The following LMNTD2 variants were observed in gnomAD, a reference collection of about 807,000 sequenced individuals.
LMNTD2 encodes the protein lamin tail domain containing 2.
LMNTD2 carries 83 observed loss-of-function variants against 70.1 expected under a neutral mutation model. That is an observed-to-expected ratio of 1.18 (90% CI 0.99 to 1.42). The LOEUF is 1.42. LMNTD2 is among the 40% of genes most tolerant of loss of function. The pLI is 0.00. For synonymous variants in LMNTD2, 534 were observed against 406.1 expected, an observed-to-expected ratio of 1.31 and a Z score of -3.79; for missense variants, 1,153 against 905.9, an observed-to-expected ratio of 1.27 and a Z score of -3.50.
At chr11:559,745 C>T in intron 1 of LMNTD2, 1 of 1,058,884 alleles carries the variant, frequency 9.4e-7, no homozygotes, top group Non-Finnish European at 1.2e-6. Flanking sequence ...CTCCTGCCCA[C>T]AGCCTGTTTT....
chr11:559,787 T>A, intron 1 of LMNTD2: 1 of 1,041,728 alleles, frequency 9.6e-7, no homozygotes, highest in Non-Finnish European at 1.2e-6. Context: ...AGAGACAGGG[T>A]CTTGCTCCGC....
rs989192764 is a variant in LMNTD2 at position 558,718 on chromosome 11, T to C, written c.207A>G (p.Arg69=). The stretch of plus-strand genomic sequence containing the variant: ...AGGCCTGGATCTCCAGTTCTCGCTG[T>C]CTCCACAGCAGCCGCAGTGTGCGAG... ...LDPRTLRLLW[R]QRELEIQALR... Residue 69 remains arginine, a synonymous_variant, in exon 3 of 14, where the codon AGA becomes AGG. Transcript: ENST00000329451. The C allele has an allele frequency of 1.2e-6, 2 of 1,607,426 alleles. No individual in the cohort carries two copies. The highest frequency in any genetic ancestry group is 1.7e-6 in the Non-Finnish European group (2 of 1,177,850).
In LMNTD2 at chr11:556,342, G is replaced by A. The variant is rs750960398; in HGVS notation, c.1107C>T (p.Cys369=). The change falls in exon 10 of 14, where the codon TGC becomes TGT. Residue 369 remains cysteine, a synonymous_variant. Coordinates refer to ENST00000329451, the MANE Select transcript of LMNTD2 (RefSeq NM_173573.3). ...TGAAGATGCGGACGAACTTCTCCCG[G>A]CAGCTCACAGCCACGATCTTCAGGC... ...PTGLKIVAVS[C]REKFVRIFNP... 10 of 1,535,896 alleles carry A rather than the reference G, an allele frequency of 6.5e-6. No homozygotes were observed. The highest frequency in any genetic ancestry group is 1.2e-5 in the South Asian group (1 of 84,006).
rs756120788 is a variant in LMNTD2 at position 555,355 on chromosome 11, C to A, written c.1723G>T (p.Ala575Ser). The change falls in exon 13 of 14, where the codon GCC becomes TCC. Residue 575 changes from alanine (A) to serine (S), a missense_variant. Transcript: ENST00000329451. Reference sequence around the variant, plus strand: ...CGACAGTCCTCCAGGCCCAGCCCGGCCTCTGCGGGAGGCGACGGCAGGGTG... The same window carrying A: ...CGACAGTCCTCCAGGCCCAGCCCGGACTCTGCGGGAGGCGACGGCAGGGTG... The part of the protein sequence containing the change: ...DPTLPSPPAE[A>S]GLGLEDCRLQ... 1 of 1,423,234 alleles carries A rather than the reference C, an allele frequency of 7.0e-7. No homozygotes were observed. The highest frequency in any genetic ancestry group is 9.2e-7 in the Non-Finnish European group (1 of 1,091,618). The allele number at this position is 1,423,234 out of a possible 1,614,324, so 88.2% of individuals were successfully genotyped here. A position where few individuals can be genotyped will look rare whatever the true frequency, so the allele number is the denominator to read the frequency against.
Position 554,873 on chromosome 11 carries a change from A to G in LMNTD2, c.*107T>C. The G allele has an allele frequency of 2.6e-6, 2 of 776,872 alleles. No homozygotes were observed. Among genetic ancestry groups the G allele is most frequent in the South Asian group, 4.0e-5 (2 of 50,168 alleles). The allele number at this position is 776,872 out of a possible 1,614,324, so 48.1% of individuals were successfully genotyped here. On this transcript the variant is annotated 3_prime_UTR_variant, in exon 14 of 14. Transcript: ENST00000329451. Reference sequence around the variant, plus strand: ...TCTCAGGTGTACAGAAATGCGGTTTACTTTGTAGGCCACGTTGGTTCAATA... The same window carrying G: ...TCTCAGGTGTACAGAAATGCGGTTTGCTTTGTAGGCCACGTTGGTTCAATA...
In LMNTD2 at chr11:558,156, C is replaced by T; in HGVS notation, c.399+5G>A. The T allele has an allele frequency of 6.2e-7, 1 of 1,613,228 alleles. No individual in the cohort carries two copies. The highest frequency in any genetic ancestry group is 1.7e-4 in the Middle Eastern group (1 of 6,060). On this transcript the variant is annotated splice_donor_5th_base_variant and intron_variant, in intron 4 of 13. Coordinates refer to ENST00000329451, the MANE Select transcript of LMNTD2 (RefSeq NM_173573.3). ...CCCTGCCCACTCCCTGTGCCCCTGC[C>T]TCACCCACTGGGCTCGCTCCTTCTG...
rs763317230 is a variant in LMNTD2 at position 555,782 on chromosome 11, A to G, written c.1526T>C (p.Leu509Pro). The change falls in exon 12 of 14, where the codon CTG becomes CCG. Residue 509 changes from leucine (L) to proline (P), a missense_variant. Transcript: ENST00000329451. Reference sequence around the variant, plus strand: ...GGGCTCCCGCACCCGGCCTTTGCGCAGGGGTCGAGGTGGGCGCGGCGGCTT... The same window carrying G: ...GGGCTCCCGCACCCGGCCTTTGCGCGGGGGTCGAGGTGGGCGCGGCGGCTT... ...TRKPPRPPRP[L>P]RKGRVREPRV... is the part of the protein sequence containing the mutation. The G allele has an allele frequency of 6.7e-7, 1 of 1,490,636 alleles. No homozygotes were observed. The highest frequency in any genetic ancestry group is 2.7e-5 in the Admixed American group (1 of 37,192). 92.3% of individuals were successfully genotyped at this position (1,490,636 alleles called of 1,614,324 possible).
chr11:557,604 G>A lies in LMNTD2; in HGVS notation c.592C>T (p.Leu198Phe). 6.2e-7 allele frequency: 1 copy of A among 1,613,322 alleles called. No homozygotes were observed. Among genetic ancestry groups the A allele is most frequent in the East Asian group, 2.2e-5 (1 of 44,880 alleles). ...TAETLMDPSDLSENIQAPTGE... is the reference protein window; with the variant it reads ...TAETLMDPSDFSENIQAPTGE... ...GTGGGGGCCTGAATGTTTTCAGAGA[G>A]GTCGCTTGGGTCCATCAGAGTCTCT... Residue 198 changes from leucine to phenylalanine, a missense_variant, in exon 6 of 14, where the codon CTC becomes TTC. Transcript: ENST00000329451.
At chr11:560,658 C>G in intron 1 of LMNTD2, 25 bp downstream of exon 1, 1 of 1,413,846 alleles carries the variant, frequency 7.1e-7, no homozygotes, top group South Asian at 1.4e-5. Flanking sequence ...AGGAAGTCGG[C>G]CCAGGAGCGG....
chr11:555,619 C>A, intron 12 of LMNTD2, 115 bp downstream of exon 12: 1 of 1,258,336 alleles, frequency 7.9e-7, no homozygotes, highest in East Asian at 3.2e-5. Context: ...AGGGGGCGGC[C>A]GGGGCGGGGC....
At position 559,193 on chromosome 11, in the gene LMNTD2, G is replaced by A. The variant is rs149530404; in HGVS notation, c.35-214C>T. The stretch of plus-strand genomic sequence containing the variant: ...GACCCACATGTGGGTGTCCACACCC[G>A]TGTGTTTCTGACCAGGCTGGCGCAG... On this transcript the variant is annotated intron_variant, in intron 1 of 13. Transcript: ENST00000329451. 3,635 of 1,474,160 alleles carry A rather than the reference G, an allele frequency of 2.5e-3. 9 individuals are homozygous for A. Among genetic ancestry groups the A allele is most frequent in the South Asian group, 5.3e-3 (393 of 73,972 alleles). 91.3% of individuals were successfully genotyped at this position (1,474,160 alleles called of 1,614,324 possible). A position where few individuals can be genotyped will look rare whatever the true frequency, so the allele number is the denominator to read the frequency against.
In LMNTD2 at chr11:560,215, C is replaced by G. The variant is rs1388491787; in HGVS notation, c.34+468G>C. 2.2e-5 allele frequency: 17 copies of G among 780,102 alleles called. No individual in the cohort carries two copies. In the African/African-American group the frequency reaches 2.6e-4, roughly 12 times the overall value. The allele number at this position is 780,102 out of a possible 1,614,324, so 48.3% of individuals were successfully genotyped here. A position where few individuals can be genotyped will look rare whatever the true frequency, so the allele number is the denominator to read the frequency against. ...CGCCCACAACTCTTTCTGAGCTGGG[C>G]AGAACAATCAATGGCCCACACAGCT... is the stretch of plus-strand genomic sequence containing the variant. On this transcript the variant is annotated intron_variant, in intron 1 of 13. Coordinates refer to ENST00000329451, the MANE Select transcript of LMNTD2 (RefSeq NM_173573.3).
rs754041850 is a variant in LMNTD2, at chr11:556,032, G to A, written c.1341C>T (p.Arg447=). 3.2e-6 allele frequency: 5 copies of A among 1,556,660 alleles called. No individual in the cohort carries two copies. The highest frequency in any genetic ancestry group is 3.6e-5 in the Admixed American group (2 of 55,424). Residue 447 remains arginine, a synonymous_variant, in exon 11 of 14, where the codon CGC becomes CGT. Transcript: ENST00000329451. ...SREPVPLLSI[R]GCATLLLSPK... is the part of the protein sequence containing the mutation. ...GGCTCAGGAGCAGCGTCGCGCAGCCGCGGATGGAGAGGAGGGGAACGGGCT... is the reference window on the plus strand; with the variant it reads ...GGCTCAGGAGCAGCGTCGCGCAGCCACGGATGGAGAGGAGGGGAACGGGCT...
intron 8 of LMNTD2, 48 bp from the exon 9 acceptor site, chr11:556,636 C>CT (rs1398941885): frequency 1.4e-6 from 2 of 1,449,392 alleles, no homozygotes; most frequent in South Asian, 2.8e-5. Flanking sequence ...ATGGAGTCCC[C>CT]ACCGGATGTT....
At chr11:555,625 G>A (rs1320886172) in intron 12 of LMNTD2, 109 bp downstream of exon 12, 6 of 1,267,246 alleles carry the variant, frequency 4.7e-6, no homozygotes, top group Non-Finnish European at 6.1e-6. Context: ...CGGCCGGGGC[G>A]GGGCCTGGGG....
At chr11:555,165 A>AGGGGC (rs1852729701) in intron 13 of LMNTD2, 54 bp from the exon 14 acceptor site, 2 of 284,920 alleles carry the variant, frequency 7.0e-6, no homozygotes, top group Admixed American at 8.8e-5. Flanking sequence ...ACGGGAGGGG[A>AGGGGC]GGGGAGGGGA....
chr11:556,314 G>A lies in LMNTD2; in HGVS notation c.1135C>T (p.Pro379Ser). 1 of 1,535,718 alleles carries A rather than the reference G, an allele frequency of 6.5e-7. No individual in the cohort carries two copies. Among genetic ancestry groups the A allele is most frequent in the Non-Finnish European group, 8.7e-7 (1 of 1,146,680 alleles). Residue 379 changes from proline to serine, a missense_variant, in exon 10 of 14, where the codon CCG becomes TCG. Physicochemically the swap from Pro to Ser is moderately conservative, Grantham distance 74. Transcript: ENST00000329451. The stretch of plus-strand genomic sequence containing the variant: ...AGGTCGGCCGTGCTCTCCTGCGACG[G>A]GTTGAAGATGCGGACGAACTTCTCC... ...CREKFVRIFNPSQESTADLSG... is the reference protein window; with the variant it reads ...CREKFVRIFNSSQESTADLSG...
Position 557,041 on chromosome 11 carries a change from T to A in LMNTD2, c.770A>T (p.His257Leu), listed in dbSNP as rs1385083015. 6.2e-7 allele frequency: 1 copy of A among 1,609,574 alleles called. No individual in the cohort carries two copies. The highest frequency in any genetic ancestry group is 2.2e-5 in the East Asian group (1 of 44,826). Residue 257 changes from histidine (H) to leucine (L), a missense_variant, in exon 8 of 14, where the codon CAT becomes CTT. By Grantham distance (99) the His-to-Leu change is moderately conservative. Coordinates refer to ENST00000329451, the MANE Select transcript of LMNTD2 (RefSeq NM_173573.3). ...DTGSPESSGKHSERHHKTVEW... is the reference protein window; with the variant it reads ...DTGSPESSGKLSERHHKTVEW... Reference sequence around the variant, plus strand: ...CACGGTCTTGTGATGCCGCTCGGAATGCTTTCCAGAGGACTCTGGGCTCCC... The same window carrying A: ...CACGGTCTTGTGATGCCGCTCGGAAAGCTTTCCAGAGGACTCTGGGCTCCC...
Position 556,907 on chromosome 11 carries a change from G to C in LMNTD2, c.904C>G (p.Pro302Ala). Residue 302 changes from proline (P) to alanine (A), a missense_variant, in exon 8 of 14, where the codon CCG becomes GCG. By Grantham distance (27) the Pro-to-Ala change is conservative. Coordinates refer to ENST00000329451, the MANE Select transcript of LMNTD2 (RefSeq NM_173573.3). Reference protein sequence around the residue: ...LPSFVQVIGHPPRDHRASSEQ... With the variant: ...LPSFVQVIGHAPRDHRASSEQ... ...GAGGAAGCGCGGTGGTCCCGGGGCG[G>C]GTGCCCTATCACCTGCACGAAGGAA... The C allele has an allele frequency of 6.3e-7, 1 of 1,595,642 alleles. No individual in the cohort carries two copies. The highest frequency in any genetic ancestry group is 1.1e-5 in the South Asian group (1 of 89,262).
Sources: allele counts gnomAD v4.1 joint callset, GRCh38; gene constraint gnomAD v4.1.1; transcripts MANE v1.5; gene names NCBI Gene and HGNC (gene_info 2026-07-23, HGNC 2026-07-21).